The following CFAP46 variants were observed in gnomAD, a reference collection of about 807,000 sequenced individuals.
CFAP46 encodes cilia- and flagella-associated protein 46.
In CFAP46, 245 loss-of-function variants were observed where a neutral mutation model predicts 325.7. That is an observed-to-expected ratio of 0.75 (90% CI 0.68 to 0.84). CFAP46 has a LOEUF of 0.84. CFAP46 is among the 40% of genes least tolerant of loss of function. CFAP46 has a pLI of 0.00. For missense variants in CFAP46, 3,346 were observed against 3,543.0 expected (o/e 0.94, Z 1.41); for synonymous variants, 1,523 against 1,495.9 (o/e 1.02, Z -0.42).
intron 35 of CFAP46, among the ~76,000 whole-genome samples, chr10:132,863,447 C>T (rs1349062138): frequency 6.6e-6 from 1 of 152,162 alleles, no homozygotes; most frequent in Non-Finnish European, 1.5e-5. Flanking sequence ...CAGTCCCTTC[C>T]TTGGACAAGC....
intron 50 of CFAP46, among the ~76,000 whole-genome samples, chr10:132,826,161 GA>G (rs1413906080): frequency 2.5e-3 from 252 of 102,722 alleles, no homozygotes; most frequent in Non-Finnish European, 3.8e-3. Flanking sequence ...AGCCAGGCAG[GA>G]GCCGGAGCCA....
intron 50 of CFAP46, among the ~76,000 whole-genome samples, chr10:132,826,434 A>T (rs376761586): frequency 0.014 from 1,056 of 75,958 alleles, 1 homozygote; most frequent in Admixed American, 0.026. Flanking sequence ...CACAGAGACC[A>T]GCCACGGAGC....
chr10:132,929,792 A>G lies in CFAP46; in HGVS notation c.879T>C (p.Leu293=). 6.2e-7 allele frequency: 1 copy of G among 1,608,334 alleles called. No individual in the cohort carries two copies. Among genetic ancestry groups the G allele is most frequent in the East Asian group, 2.2e-5 (1 of 44,728 alleles). The stretch of plus-strand genomic sequence containing the variant: ...TCAAGGAAAAACGCGCCAATTCAAA[A>G]AGCAAAAGCATTCTGCAAACAAACA... ...PSISEEKMLL[L]FELARFSLTL... is the part of the protein sequence containing the mutation. The change falls in exon 9 of 58, where the codon CTT becomes CTC. Residue 293 remains leucine (L), a synonymous_variant. Coordinates refer to ENST00000368586, the MANE Select transcript of CFAP46 (RefSeq NM_001200049.3).
intron 17 of CFAP46, among the ~76,000 whole-genome samples, chr10:132,913,874 T>A (rs11816135): frequency 6.7e-6 from 1 of 149,264 alleles, no homozygotes; most frequent in African/African-American, 2.4e-5. Context: ...ACCTGAAGCC[T>A]GGCCTGGTGC....
chr10:132,828,197 G>T lies in CFAP46; in HGVS notation c.7117+5161C>A, dbSNP rs1028551494. ...GTGTATGAGTTTCTGCGGGACGCGT[G>T]TCTCCTTATCTCTTTGGTAGATGGA... On this transcript the variant is annotated intron_variant, in intron 50 of 57. Transcript: ENST00000368586. The surrounding 1 kb of genome is among the most constrained non-coding windows in gnomAD (Gnocchi z 4.9). Among the ~76,000 whole-genome samples the T allele has an allele frequency of 1.3e-5, 2 of 152,234 alleles. No homozygotes were observed. The highest frequency in any genetic ancestry group is 2.9e-5 in the Non-Finnish European group (2 of 68,040).
chr10:132,861,764 T>G (rs1017513601), intron 35 of CFAP46, among the ~76,000 whole-genome samples: 2 of 152,188 alleles, frequency 1.3e-5, no homozygotes, highest in African/African-American at 4.8e-5. Context: ...CCTGTTCCCA[T>G]GTATCACTTT....
rs1273840116 is a variant in CFAP46 at position 132,908,631 on chromosome 10, C to T, written c.2761G>A (p.Val921Met). The T allele has an allele frequency of 6.5e-7, 1 of 1,533,474 alleles. No individual in the cohort carries two copies. Among genetic ancestry groups the T allele is most frequent in the South Asian group, 1.2e-5 (1 of 82,016 alleles). 95.0% of individuals were successfully genotyped at this position (1,533,474 alleles called of 1,614,324 possible). A position where few individuals can be genotyped will look rare whatever the true frequency, so the allele number is the denominator to read the frequency against. ...CAGTTGCACTCGGAAGCCATTTTCA[C>T]CAACTTCCGGTGGGTGGCAAGAGAA... ...DFTVPSLAQL[V>M]KMASECNWSD... The change falls in exon 22 of 58, where the codon GTG (valine) becomes ATG (methionine). Residue 921 changes from valine to methionine, a missense_variant. Coordinates refer to ENST00000368586, the MANE Select transcript of CFAP46 (RefSeq NM_001200049.3).
intron 4 of CFAP46, among the ~76,000 whole-genome samples, 144 bp downstream of exon 4, chr10:132,940,842 TGACGAGATGA>T (rs1254780920): frequency 4.6e-5 from 7 of 152,198 alleles, no homozygotes; most frequent in African/African-American, 1.4e-4. Flanking sequence ...GTCCACACGC[TGACGAGATGA>T]GGGAGTGATC....
rs1211707212 is a variant in CFAP46, at chr10:132,823,012, GTGTGTGCTGTGTGCTGTGTGTGCGCTGA to G, written c.7118-8126_7118-8099del. Among the ~76,000 whole-genome samples, 108 of 132,658 alleles carry G rather than the reference GTGTGTGCTGTGTGCTGTGTGTGCGCTGA, an allele frequency of 8.1e-4. 1 individual carries two copies. The highest frequency in any genetic ancestry group is 1.3e-3 in the Non-Finnish European group (81 of 63,748). The allele number at this position is 132,658 out of a possible 152,430, so 87.0% of individuals were successfully genotyped here. On this transcript the variant is annotated intron_variant, in intron 50 of 57. Transcript: ENST00000368586. ...TGCTGTGTGTGTGCTGATGTGTGCT[GTGTGTGCTGTGTGCTGTGTGTGCGCTGA>G]TGTGTGCTGTGTGCTGTGAGTGCTG...
At chr10:132,814,430 A>G in intron 53 of CFAP46, 147 bp downstream of exon 53, 1 of 1,176,180 alleles carries the variant, frequency 8.5e-7, no homozygotes, top group Non-Finnish European at 1.2e-6. Context: ...TCAACAAATT[A>G]AAATATTTAC....
intron 22 of CFAP46, among the ~76,000 whole-genome samples, chr10:132,904,330 T>C (rs1427611130): frequency 6.6e-5 from 10 of 152,126 alleles, no homozygotes; most frequent in Admixed American, 6.5e-4. Context: ...CCAGGCTGCC[T>C]GCACACAGGA....
intron 13 of CFAP46, 147 bp from the exon 14 acceptor site, chr10:132,920,329 G>C: frequency 9.6e-7 from 1 of 1,045,588 alleles, no homozygotes; most frequent in Non-Finnish European, 1.3e-6. Flanking sequence ...GCTCCCAGAA[G>C]CCGAGCTCCT....
At chr10:132,837,699 GCA>G (rs200206713) in intron 44 of CFAP46, among the ~76,000 whole-genome samples, 2,558 of 121,158 alleles carry the variant, frequency 0.021, 81 homozygotes, top group African/African-American at 0.06. Context: ...GTACACAGAT[GCA>G]CACACACAGA....
At chr10:132,841,459 A>G (rs997047136) in intron 44 of CFAP46, among the ~76,000 whole-genome samples, 1 of 152,102 alleles carries the variant, frequency 6.6e-6, no homozygotes, top group Non-Finnish European at 1.5e-5. Context: ...GGCTGCTCTT[A>G]TGGGTGGGAG....
chr10:132,846,340 T>C, intron 43 of CFAP46, 113 bp from the exon 44 acceptor site: 6 of 1,321,548 alleles, frequency 4.5e-6, no homozygotes, highest in Non-Finnish European at 6.1e-6. Flanking sequence ...GGGCTGGCTC[T>C]CCTGGCAAGG....
intron 45 of CFAP46, 117 bp downstream of exon 45, chr10:132,836,700 G>T: frequency 2.3e-6 from 2 of 858,700 alleles, no homozygotes; most frequent in East Asian, 2.4e-5. Flanking sequence ...GGCGTTTCCC[G>T]AGTCCCAGGC....
In CFAP46 at chr10:132,836,893, T is replaced by A. The variant is rs61733297; in HGVS notation, c.6460A>T (p.Thr2154Ser). 25 of 1,613,898 alleles carry A rather than the reference T, an allele frequency of 1.5e-5. No individual in the cohort carries two copies. In the African/African-American group the frequency reaches 3.3e-4, roughly 22 times the overall value. Residue 2154 changes from threonine (T) to serine (S), a missense_variant, in exon 45 of 58, where the codon ACT becomes TCT. By Grantham distance (58) the Thr-to-Ser change is moderately conservative. Coordinates refer to ENST00000368586, the MANE Select transcript of CFAP46 (RefSeq NM_001200049.3). ...VSKAWQNLCV[T>S]EQHFNLLNEM... ...TTCAAGAGGTTAAAATGCTGCTCAG[T>A]GACGCAGAGATTTTGCCAAGCCTGT... is the stretch of plus-strand genomic sequence containing the variant.
intron 50 of CFAP46, among the ~76,000 whole-genome samples, chr10:132,821,901 G>T (rs552366768): frequency 6.8e-6 from 1 of 146,250 alleles, no homozygotes; most frequent in East Asian, 2.1e-4. Context: ...TGTGTGTTGT[G>T]TGAGTGCTGA....
At chr10:132,917,740 C>G (rs1457415364) in intron 16 of CFAP46, among the ~76,000 whole-genome samples, 1 of 152,150 alleles carries the variant, frequency 6.6e-6, no homozygotes, top group Non-Finnish European at 1.5e-5. Flanking sequence ...TTGTTTGAAG[C>G]ACAGAAGGTT....
Sources: gnomAD v4.1 joint callset for allele counts (sites outside exome capture counted in the v4.1 genomes callset) on GRCh38, gnomAD v4.1.1 for gene constraint, Gnocchi (gnomAD v3.1) non-coding constraint, MANE v1.5 for transcripts, NCBI Gene and HGNC (gene_info 2026-07-23, HGNC 2026-07-21) for gene names.